The following LRRC40 variants were observed in gnomAD, a reference collection of about 807,000 sequenced individuals.
The protein encoded by LRRC40 is leucine-rich repeat-containing protein 40.
LRRC40 carries 76 observed loss-of-function variants against 72.8 expected under a neutral mutation model. That is an observed-to-expected ratio of 1.04 (90% CI 0.87 to 1.26). The LOEUF (loss-of-function observed/expected upper bound fraction) is 1.26, where lower values mean the gene tolerates loss of function less well. LRRC40 is among the 50% of genes most tolerant of loss of function. The pLI is 0.00. For missense variants in LRRC40, 684 were observed against 698.9 expected (o/e 0.98, Z 0.24); for synonymous variants, 243 against 254.2 (o/e 0.96, Z 0.42).
At chr1:70,148,761 G>T in intron 13 of LRRC40, 89 bp from the exon 14 acceptor site, 2 of 775,750 alleles carry the variant, frequency 2.6e-6, no homozygotes, top group Non-Finnish European at 3.9e-6. Context: ...TGACATGACA[G>T]TTTTTTCTTT....
rs1479664551 is a variant in LRRC40, at chr1:70,145,681, A to G, written c.*119T>C. 3 of 526,426 alleles carry G rather than the reference A, an allele frequency of 5.7e-6. No individual in the cohort carries two copies. The highest frequency in any genetic ancestry group is 1.0e-5 in the Non-Finnish European group (3 of 293,398). 32.6% of individuals were successfully genotyped at this position (526,426 alleles called of 1,614,324 possible). ...ATACCAACAGGTAGGTGATACTGGG[A>G]AACTACAAGATCAATTACAATAATC... is the stretch of plus-strand genomic sequence containing the variant. On this transcript the variant is annotated 3_prime_UTR_variant, in exon 15 of 15. Transcript: ENST00000370952.
chr1:70,151,099 A>G, intron 13 of LRRC40, 29 bp downstream of exon 13: 1 of 1,288,248 alleles, frequency 7.8e-7, no homozygotes, highest in Non-Finnish European at 1.1e-6. Context: ...TTTCCACAGA[A>G]TAACAATTAG....
At chr1:70,184,732 T>G in intron 4 of LRRC40, 53 bp downstream of exon 4, 1 of 1,516,774 alleles carries the variant, frequency 6.6e-7, no homozygotes, top group Non-Finnish European at 8.9e-7. Context: ...CTCAGCCTGA[T>G]GAAAAATCCC....
intron 1 of LRRC40, among the ~76,000 whole-genome samples, chr1:70,202,962 C>A (rs1240445856): frequency 6.6e-6 from 1 of 152,204 alleles, no homozygotes; most frequent in Non-Finnish European, 1.5e-5. Context: ...ACAATCACAG[C>A]ACCCACTGCA....
intron 4 of LRRC40, among the ~76,000 whole-genome samples, chr1:70,182,442 G>A (rs1313039201): frequency 6.6e-6 from 1 of 152,022 alleles, no homozygotes; most frequent in African/African-American, 2.4e-5. Context: ...AAAGTTGGAT[G>A]TAGGGTATAT....
intron 1 of LRRC40, among the ~76,000 whole-genome samples, chr1:70,202,760 C>G (rs1668776149): frequency 6.6e-6 from 1 of 152,040 alleles, no homozygotes; most frequent in Admixed American, 6.6e-5. Flanking sequence ...ATGTTAATAA[C>G]AGAGGAAACT....
At chr1:70,176,075 A>G in intron 6 of LRRC40, 93 bp from the exon 7 acceptor site, 1 of 658,370 alleles carries the variant, frequency 1.5e-6, no homozygotes, top group Non-Finnish European at 2.4e-6. Context: ...ATTTCAAGTG[A>G]TTGAAAAACA....
chr1:70,204,736 C>T lies in LRRC40; in HGVS notation c.151+654G>A, dbSNP rs564388303. The stretch of plus-strand genomic sequence containing the variant: ...CATTCCCCTCCCTCTCTCTCTTACA[C>T]ACACACACACACACACACACACACG... On this transcript the variant is annotated intron_variant, in intron 1 of 14. Transcript: ENST00000370952. 3.3e-5 allele frequency among the ~76,000 whole-genome samples: 5 copies of T among 151,312 alleles called. No individual in the cohort carries two copies. The South Asian group carries it at 1.0e-3, about 32-fold the overall frequency.
intron 3 of LRRC40, 93 bp from the exon 4 acceptor site, chr1:70,185,007 C>A (rs1265965906): frequency 4.9e-6 from 5 of 1,012,392 alleles, no homozygotes; most frequent in Non-Finnish European, 7.1e-6. Flanking sequence ...ACACTGGACT[C>A]ATAAAAATCA....
chr1:70,183,471 T>C (rs917943536), intron 4 of LRRC40, among the ~76,000 whole-genome samples: 5 of 152,174 alleles, frequency 3.3e-5, no homozygotes, highest in African/African-American at 1.2e-4. Context: ...TCTAATTTTG[T>C]TACTTGTTAG....
intron 9 of LRRC40, among the ~76,000 whole-genome samples, chr1:70,161,528 G>C (rs1207256946): frequency 2.0e-5 from 3 of 148,378 alleles, no homozygotes; most frequent in African/African-American, 5.0e-5. Context: ...CAGCCTGGGC[G>C]ACAGAGCAAG....
At chr1:70,200,768 T>C (rs147166718) in intron 1 of LRRC40, among the ~76,000 whole-genome samples, 6 of 152,282 alleles carry the variant, frequency 3.9e-5, no homozygotes, top group African/African-American at 9.6e-5. Context: ...ATTTATCTCA[T>C]ACATTTCCCA....
intron 1 of LRRC40, among the ~76,000 whole-genome samples, chr1:70,202,738 C>T (rs1370013097): frequency 3.9e-5 from 6 of 152,068 alleles, no homozygotes; most frequent in Admixed American, 3.9e-4. Context: ...AAATGTACTA[C>T]ATTAATGCAA....
At chr1:70,157,677 TA>T (rs1164042568) in intron 10 of LRRC40, among the ~76,000 whole-genome samples, 1 of 152,010 alleles carries the variant, frequency 6.6e-6, no homozygotes, top group Non-Finnish European at 1.5e-5. Flanking sequence ...AATTCTAAGC[TA>T]AAAAAAGCCT....
At chr1:70,200,735 T>C (rs1668719257) in intron 1 of LRRC40, among the ~76,000 whole-genome samples, 1 of 152,176 alleles carries the variant, frequency 6.6e-6, no homozygotes, top group African/African-American at 2.4e-5. Context: ...TGTAACTCCC[T>C]ATAGCATACA....
chr1:70,184,820 C>G lies in LRRC40; in HGVS notation c.502G>C (p.Glu168Gln). 6.2e-7 allele frequency: 1 copy of G among 1,610,462 alleles called. No homozygotes were observed. The highest frequency in any genetic ancestry group is 8.5e-7 in the Non-Finnish European group (1 of 1,178,886). The change falls in exon 4 of 15, where the codon GAG becomes CAG. Residue 168 changes from glutamate to glutamine, a missense_variant. Glu to Gln is a conservative substitution (Grantham distance 29, BLOSUM62 2). Coordinates refer to ENST00000370952, the MANE Select transcript of LRRC40 (RefSeq NM_017768.5). ...LQHNELTCIS[E>Q]GFEQLSNLED... Reference sequence around the variant, plus strand: ...AAATTGGAAAGTTGTTCAAATCCCTCTGATATGCAGGTTAATTCATTATGC... The same window carrying G: ...AAATTGGAAAGTTGTTCAAATCCCTGTGATATGCAGGTTAATTCATTATGC...
At chr1:70,171,959 C>T (rs1345920098) in intron 9 of LRRC40, among the ~76,000 whole-genome samples, 3 of 152,126 alleles carry the variant, frequency 2.0e-5, no homozygotes, top group East Asian at 1.9e-4. Flanking sequence ...CTAACTCAGT[C>T]ACCATTTGTT....
chr1:70,188,196 T>A (rs1012872365), intron 2 of LRRC40, among the ~76,000 whole-genome samples: 1 of 152,154 alleles, frequency 6.6e-6, no homozygotes, highest in African/African-American at 2.4e-5. Flanking sequence ...ATTCTACTTT[T>A]CAACACATGA....
chr1:70,163,853 G>A (rs1331582564), intron 9 of LRRC40, among the ~76,000 whole-genome samples: 1 of 152,202 alleles, frequency 6.6e-6, no homozygotes, highest in African/African-American at 2.4e-5. Context: ...TTAATGCCAC[G>A]ATGGCATAAT....
Sources: gnomAD v4.1 joint callset for allele counts (sites outside exome capture counted in the v4.1 genomes callset) on GRCh38, gnomAD v4.1.1 for gene constraint, MANE v1.5 for transcripts, NCBI Gene and HGNC (gene_info 2026-07-23, HGNC 2026-07-21) for gene names.